The following IQCH variants were observed in gnomAD, a reference collection of about 807,000 sequenced individuals.
IQCH encodes IQ domain-containing protein H.
A neutral mutation model predicts 117.0 loss-of-function variants in IQCH; 98 were observed. The ratio of observed to expected loss-of-function variants is 0.84; its 90% CI spans 0.71 to 0.99. The LOEUF is 0.99. IQCH is among the 50% of genes least tolerant of loss of function. The pLI is 0.00. For synonymous variants in IQCH, 412 were observed against 448.2 expected, an observed-to-expected ratio of 0.92 and a Z score of 1.02; for missense variants, 1,102 against 1,243.8, an observed-to-expected ratio of 0.89 and a Z score of 1.72.
intron 4 of IQCH, among the ~76,000 whole-genome samples, chr15:67,291,596 C>G (rs1442139072): frequency 6.6e-6 from 1 of 152,072 alleles, no homozygotes; most frequent in Non-Finnish European, 1.5e-5. Context: ...CAAAATTTCA[C>G]CCAAACGAAA....
chr15:67,307,065 A>G, intron 4 of IQCH: 1 of 1,272,370 alleles, frequency 7.9e-7, no homozygotes, highest in Non-Finnish European at 9.9e-7. Flanking sequence ...CAAACCAAAC[A>G]TTGCTTTGAA....
chr15:67,409,353 C>T (rs1352844988), intron 14 of IQCH, among the ~76,000 whole-genome samples: 4 of 152,200 alleles, frequency 2.6e-5, no homozygotes, highest in African/African-American at 9.7e-5. Context: ...AAGAAAACCA[C>T]AGCCCCCTGT....
intron 4 of IQCH, among the ~76,000 whole-genome samples, chr15:67,285,614 G>A (rs1204136900): frequency 6.6e-6 from 1 of 152,068 alleles, no homozygotes; most frequent in Admixed American, 6.6e-5. Context: ...AATCCATCTT[G>A]AGTTAATGTT....
Position 67,359,816 on chromosome 15 carries a change from G to GT in IQCH, c.715-31_715-30insT. On this transcript the variant is annotated intron_variant, in intron 7 of 20. Coordinates refer to ENST00000335894, the MANE Select transcript of IQCH (RefSeq NM_001031715.3). This position sits in a 1 kb window ranked among gnomAD's most constrained non-coding sequence, Gnocchi z 4.5. ...TAAAATTGCCCATGAGAGTCGTTTTGATTTAAACTGTGTCTCATTCTTCAT... is the reference window on the plus strand; with the variant it reads ...TAAAATTGCCCATGAGAGTCGTTTTGTATTTAAACTGTGTCTCATTCTTCAT... 7.5e-6 allele frequency: 9 copies of GT among 1,196,598 alleles called. No individual in the cohort carries two copies. Among genetic ancestry groups the GT allele is most frequent in the African/African-American group, 1.5e-5 (1 of 65,912 alleles). The allele number at this position is 1,196,598 out of a possible 1,614,324, so 74.1% of individuals were successfully genotyped here. A position where few individuals can be genotyped will look rare whatever the true frequency, so the allele number is the denominator to read the frequency against.
chr15:67,436,886 G>C lies in IQCH; in HGVS notation c.2505+15309G>C, dbSNP rs953540107. On this transcript the variant is annotated intron_variant, in intron 16 of 20. Coordinates refer to ENST00000335894, the MANE Select transcript of IQCH (RefSeq NM_001031715.3). The surrounding 1 kb of genome is among the most constrained non-coding windows in gnomAD (Gnocchi z 5.1). The stretch of plus-strand genomic sequence containing the variant: ...AACCTCACCCTCATCCCCCACAACA[G>C]CTGCAGCAAGATCTGCCCAAGGGGA... 3.3e-5 allele frequency among the ~76,000 whole-genome samples: 5 copies of C among 151,990 alleles called. No homozygotes were observed. The highest frequency in any genetic ancestry group is 9.7e-5 in the African/African-American group (4 of 41,358).
intron 10 of IQCH, among the ~76,000 whole-genome samples, chr15:67,378,173 G>A (rs1448370854): frequency 6.6e-6 from 1 of 152,016 alleles, no homozygotes; most frequent in Non-Finnish European, 1.5e-5. Flanking sequence ...GTGAACAGGG[G>A]CAGAGTGGAG....
At position 67,301,188 on chromosome 15, in the gene IQCH, T is replaced by G. The variant is rs77597348; in HGVS notation, c.387+21676T>G. The stretch of plus-strand genomic sequence containing the variant: ...TACTGTTGGTAAAAAATGATCATCT[T>G]CCAGAGCATACTTTCCTGCTTAATG... On this transcript the variant is annotated intron_variant, in intron 4 of 20. Coordinates refer to ENST00000335894, the MANE Select transcript of IQCH (RefSeq NM_001031715.3). 4.3e-3 allele frequency among the ~76,000 whole-genome samples: 661 copies of G among 152,272 alleles called. 2 individuals carry two copies. The highest frequency in any genetic ancestry group is 0.015 in the African/African-American group (629 of 41,554).
Position 67,427,112 on chromosome 15 carries a change from G to A in IQCH, c.2505+5535G>A, listed in dbSNP as rs542092615. Among the ~76,000 whole-genome samples, 2 of 152,228 alleles carry A rather than the reference G, an allele frequency of 1.3e-5. No homozygotes were observed. The highest frequency in any genetic ancestry group is 4.8e-5 in the African/African-American group (2 of 41,540). On this transcript the variant is annotated intron_variant, in intron 16 of 20. Transcript: ENST00000335894. This position sits in a 1 kb window ranked among gnomAD's most constrained non-coding sequence, Gnocchi z 4.7. ...ATTTTATGTAAATAAAGTTTTATTG[G>A]AACACTAAAAAATAAATAACTTCTC... is the stretch of plus-strand genomic sequence containing the variant.
chr15:67,312,529 A>C (rs985334130), intron 4 of IQCH, among the ~76,000 whole-genome samples: 3 of 152,114 alleles, frequency 2.0e-5, no homozygotes, highest in Non-Finnish European at 4.4e-5. Context: ...CTCTTAGTTG[A>C]TGGTGCCAAA....
chr15:67,278,971 A>C (rs969465014), intron 3 of IQCH, among the ~76,000 whole-genome samples: 7 of 152,248 alleles, frequency 4.6e-5, no homozygotes, highest in African/African-American at 1.4e-4. Flanking sequence ...TATATAAAAT[A>C]GCAGAGATTT....
rs957287690 is a variant in IQCH at position 67,453,017 on chromosome 15, C to T, written c.2506-12110C>T. ...TACCCTTTCTTCCAGTTGATCACGT[C>T]GGCTAATAAGGCTTCTGCATTCGTC... On this transcript the variant is annotated intron_variant, in intron 16 of 20. Transcript: ENST00000335894. The surrounding 1 kb of genome is among the most constrained non-coding windows in gnomAD (Gnocchi z 5.8). Among the ~76,000 whole-genome samples the T allele has an allele frequency of 2.0e-5, 3 of 152,318 alleles. No homozygotes were observed. The highest frequency in any genetic ancestry group is 2.1e-4 in the South Asian group (1 of 4,824).
chr15:67,302,623 C>G lies in IQCH; in HGVS notation c.387+23111C>G, dbSNP rs544101879. ...CCTGTAATCCCAGCACTTTGGGAGG[C>G]TAAGGCAGGTGGATCACGAGGTCAG... On this transcript the variant is annotated intron_variant, in intron 4 of 20. Transcript: ENST00000335894. 3.3e-5 allele frequency among the ~76,000 whole-genome samples: 5 copies of G among 152,276 alleles called. No homozygotes were observed. In the South Asian group the frequency reaches 1.0e-3, roughly 32 times the overall value.
intron 12 of IQCH, among the ~76,000 whole-genome samples, chr15:67,392,976 C>T (rs777267913): frequency 2.0e-5 from 3 of 151,934 alleles, no homozygotes; most frequent in Non-Finnish European, 4.4e-5. Flanking sequence ...ACAAAATTTA[C>T]CATTTTAACC....
In IQCH at chr15:67,388,093, T is replaced by C. The variant is rs2140837772; in HGVS notation, c.1457-738T>C. 6.6e-6 allele frequency among the ~76,000 whole-genome samples: 1 copy of C among 152,338 alleles called. No homozygotes were observed. Among genetic ancestry groups the C allele is most frequent in the African/African-American group, 2.4e-5 (1 of 41,584 alleles). Reference sequence around the variant, plus strand: ...ACTTCATTGACTGCTGATTTCCTATTCATACTCCCTGAAATATTCTGCAGC... The same window carrying C: ...ACTTCATTGACTGCTGATTTCCTATCCATACTCCCTGAAATATTCTGCAGC... On this transcript the variant is annotated intron_variant, in intron 11 of 20. Coordinates refer to ENST00000335894, the MANE Select transcript of IQCH (RefSeq NM_001031715.3). The surrounding 1 kb of genome is among the most constrained non-coding windows in gnomAD (Gnocchi z 5.5).
At chr15:67,295,276 A>G (rs1966845573) in intron 4 of IQCH, among the ~76,000 whole-genome samples, 2 of 152,014 alleles carry the variant, frequency 1.3e-5, no homozygotes, top group Non-Finnish European at 2.9e-5. Flanking sequence ...AACACCTTTG[A>G]TCTTTTTAGC....
chr15:67,307,695 CAAG>C (rs1287759512), intron 4 of IQCH, among the ~76,000 whole-genome samples: 1 of 151,920 alleles, frequency 6.6e-6, no homozygotes, highest in African/African-American at 2.4e-5. Flanking sequence ...TAAACCATAA[CAAG>C]AAGCAGAGTG....
chr15:67,305,598 G>A (rs887949362), intron 4 of IQCH, among the ~76,000 whole-genome samples: 10 of 152,214 alleles, frequency 6.6e-5, no homozygotes, highest in African/African-American at 2.2e-4. Flanking sequence ...GACAGAAGCA[G>A]ATTTCTCTTT....
intron 18 of IQCH, among the ~76,000 whole-genome samples, chr15:67,484,586 A>G (rs2083424327): frequency 6.6e-6 from 1 of 150,720 alleles, no homozygotes; most frequent in Non-Finnish European, 1.5e-5. Flanking sequence ...AAAAAAAAAA[A>G]AAAAAATAGC....
In IQCH at chr15:67,424,410, G is replaced by A. The variant is rs146936574; in HGVS notation, c.2505+2833G>A. ...GTGTAGCTGTGTGTGAGCATTCCTC[G>A]TACCACTTATCTCAGTTACAAATTT... On this transcript the variant is annotated intron_variant, in intron 16 of 20. Coordinates refer to ENST00000335894, the MANE Select transcript of IQCH (RefSeq NM_001031715.3). This position sits in a 1 kb window ranked among gnomAD's most constrained non-coding sequence, Gnocchi z 4.9. Among the ~76,000 whole-genome samples the A allele has an allele frequency of 1.2e-3, 175 of 152,086 alleles. No individual in the cohort carries two copies. Among genetic ancestry groups the A allele is most frequent in the Middle Eastern group, 3.4e-3 (1 of 294 alleles).
Sources: gnomAD v4.1 joint callset for allele counts (sites outside exome capture counted in the v4.1 genomes callset) on GRCh38, gnomAD v4.1.1 for gene constraint, Gnocchi (gnomAD v3.1) non-coding constraint, MANE v1.5 for transcripts, NCBI Gene and HGNC (gene_info 2026-07-23, HGNC 2026-07-21) for gene names.